SH3KBP1: variants seen among roughly 807,000 people sequenced by gnomAD.
The protein encoded by SH3KBP1 is SH3 domain containing kinase binding protein 1.
Under a neutral mutation model 50.1 loss-of-function variants are expected in SH3KBP1, and 8 were observed. The observed-to-expected ratio is 0.16, with a 90% CI of 0.09 to 0.29. SH3KBP1 has a LOEUF of 0.29. Ranked by LOEUF, SH3KBP1 falls within the 10% of genes least tolerant of loss-of-function variation. The probability of loss-of-function intolerance (pLI) is 1.00; values close to 1 mark genes in which losing one functional copy is unlikely to be tolerated. For synonymous variants in SH3KBP1, 227 were observed against 218.6 expected (o/e 1.04, Z -0.34); for missense variants, 377 against 535.2 (o/e 0.70, Z 2.92).
intron 2 of SH3KBP1, among the ~76,000 whole-genome samples, chrX:19,795,049 A>G (rs2066667932): frequency 8.9e-6 from 1 of 112,245 alleles, no homozygotes; most frequent in South Asian, 3.7e-4. Context: ...AAGTTGTATT[A>G]ATTAATGCCC....
intron 8 of SH3KBP1, among the ~76,000 whole-genome samples, chrX:19,623,412 G>A (rs779697424): frequency 8.9e-6 from 1 of 112,016 alleles, no homozygotes. Flanking sequence ...CCCGCCAGGC[G>A]TGGTGGCTGA....
chrX:19,627,851 G>A (rs1428782917), intron 8 of SH3KBP1, among the ~76,000 whole-genome samples: 2 of 112,341 alleles, frequency 1.8e-5, no homozygotes, highest in African/African-American at 6.5e-5. Flanking sequence ...GGAATTCGGG[G>A]TCTATCAGGA....
At chrX:19,848,763 G>A (rs2068426642) in intron 1 of SH3KBP1, among the ~76,000 whole-genome samples, 1 of 108,727 alleles carries the variant, frequency 9.2e-6, no homozygotes, top group African/African-American at 3.3e-5. Flanking sequence ...ACTAGCAGCT[G>A]TGGATATTGA....
At chrX:19,878,523 A>ATT (rs2069330558) in intron 1 of SH3KBP1, among the ~76,000 whole-genome samples, 1 of 104,513 alleles carries the variant, frequency 9.6e-6, no homozygotes, top group East Asian at 2.9e-4. Flanking sequence ...AGAGAGAGAG[A>ATT]GAGAGAGAGA....
At chrX:19,775,696 C>T (rs1164832142) in intron 2 of SH3KBP1, among the ~76,000 whole-genome samples, 3 of 111,695 alleles carry the variant, frequency 2.7e-5, no homozygotes, top group Non-Finnish European at 5.6e-5. Flanking sequence ...ATGGACACCA[C>T]CGCTCCTCTG....
chrX:19,673,317 A>C (rs968129461), intron 6 of SH3KBP1, among the ~76,000 whole-genome samples: 1 of 111,908 alleles, frequency 8.9e-6, no homozygotes. Context: ...GCCCATGTGT[A>C]TATCTATGTA....
intron 1 of SH3KBP1, among the ~76,000 whole-genome samples, chrX:19,879,250 A>G (rs2069360645): frequency 8.9e-6 from 1 of 112,109 alleles, no homozygotes; most frequent in African/African-American, 3.2e-5. Flanking sequence ...GTCTCAAAAA[A>G]TAAAAAATAA....
chrX:19,602,436 G>T (rs1381583404), intron 9 of SH3KBP1, among the ~76,000 whole-genome samples: 1 of 111,839 alleles, frequency 8.9e-6, no homozygotes, highest in East Asian at 2.8e-4. Flanking sequence ...ATACCATCTG[G>T]GTGGCTTTGA....
intron 2 of SH3KBP1, among the ~76,000 whole-genome samples, chrX:19,788,289 A>AC (rs2066421815): frequency 9.6e-6 from 1 of 104,198 alleles, no homozygotes; most frequent in African/African-American, 3.9e-5. Flanking sequence ...AAAAAAACAA[A>AC]AAAAAAAAAC....
At chrX:19,688,226 T>C (rs1017640850) in intron 5 of SH3KBP1, among the ~76,000 whole-genome samples, 1 of 112,101 alleles carries the variant, frequency 8.9e-6, no homozygotes, top group Non-Finnish European at 1.9e-5. Context: ...CTTTAAAAGA[T>C]CTGTCACCCT....
chrX:19,648,638 C>T (rs757373322), intron 6 of SH3KBP1, among the ~76,000 whole-genome samples: 1 of 110,941 alleles, frequency 9.0e-6, no homozygotes, highest in Admixed American at 9.5e-5. Context: ...TCAGTGTTAC[C>T]CTTTACTGGC....
At chrX:19,827,040 CT>C (rs1422939435) in intron 2 of SH3KBP1, among the ~76,000 whole-genome samples, 2 of 111,446 alleles carry the variant, frequency 1.8e-5, no homozygotes, top group Non-Finnish European at 3.8e-5. Context: ...GGCCTTTCGC[CT>C]CATGGATCAA....
At chrX:19,593,129 T>C (rs534361123) in intron 10 of SH3KBP1, among the ~76,000 whole-genome samples, 15 of 112,236 alleles carry the variant, frequency 1.3e-4, no homozygotes, top group African/African-American at 4.5e-4. Context: ...ACCTGGGGTT[T>C]CCTCATTGGT....
chrX:19,706,711 G>A (rs748739768), intron 4 of SH3KBP1, among the ~76,000 whole-genome samples, 170 bp downstream of exon 4: 2 of 110,875 alleles, frequency 1.8e-5, no homozygotes, highest in Non-Finnish European at 3.8e-5. Flanking sequence ...CTGGCTTGGG[G>A]GCATTCCTCT....
At chrX:19,614,618 T>C (rs2067550436) in intron 8 of SH3KBP1, among the ~76,000 whole-genome samples, 1 of 112,026 alleles carries the variant, frequency 8.9e-6, no homozygotes, top group Admixed American at 9.5e-5. Flanking sequence ...ACAATGTCCC[T>C]AGGTTTTTCC....
At chrX:19,798,003 A>G (rs756639629) in intron 2 of SH3KBP1, among the ~76,000 whole-genome samples, 34 of 111,391 alleles carry the variant, frequency 3.1e-4, no homozygotes, top group African/African-American at 1.1e-3. Flanking sequence ...AACACAATGG[A>G]AAAGTACCAT....
intron 2 of SH3KBP1, among the ~76,000 whole-genome samples, chrX:19,774,946 T>A (rs753163338): frequency 1.8e-5 from 2 of 111,130 alleles, no homozygotes; most frequent in South Asian, 7.6e-4. Context: ...TATGAGAGCA[T>A]CAAGGCTTCT....
At chrX:19,580,965 A>T (rs957076031) in intron 12 of SH3KBP1, among the ~76,000 whole-genome samples, 2 of 111,219 alleles carry the variant, frequency 1.8e-5, no homozygotes, top group Admixed American at 9.6e-5. Context: ...TTAATTATTT[A>T]GAGACAGGGC....
At chrX:19,854,803 G>C (rs923984091) in intron 1 of SH3KBP1, among the ~76,000 whole-genome samples, 1 of 110,555 alleles carries the variant, frequency 9.0e-6, no homozygotes, top group Non-Finnish European at 1.9e-5. Flanking sequence ...ACATCACAAA[G>C]TGCCCTCCAA....
Sources: allele counts gnomAD v4.1 joint callset (sites outside exome capture counted in the v4.1 genomes callset), GRCh38; gene constraint gnomAD v4.1.1; transcripts MANE v1.5; gene names NCBI Gene and HGNC (gene_info 2026-07-23, HGNC 2026-07-21).